ATXN1: variants seen among roughly 807,000 people sequenced by gnomAD.
The protein encoded by ATXN1 is ataxin-1.
Under a neutral mutation model 56.4 loss-of-function variants are expected in ATXN1, and 8 were observed. That is an observed-to-expected ratio of 0.14 (90% CI 0.08 to 0.26). The LOEUF (loss-of-function observed/expected upper bound fraction) is 0.26. Ranked by LOEUF, ATXN1 falls within the 10% of genes least tolerant of loss-of-function variation. ATXN1 has a pLI of 1.00. For missense variants in ATXN1, 987 were observed against 1,106.5 expected (o/e 0.89, Z 1.53); for synonymous variants, 514 against 494.6 (o/e 1.04, Z -0.52).
intron 3 of ATXN1, among the ~76,000 whole-genome samples, chr6:16,614,389 T>C (rs748122817): frequency 2.0e-5 from 3 of 151,926 alleles, no homozygotes; most frequent in African/African-American, 4.8e-5. Flanking sequence ...TACTTCAGCA[T>C]GATCTCAGTT....
intron 6 of ATXN1, among the ~76,000 whole-genome samples, chr6:16,363,316 T>C (rs906241384): frequency 6.6e-5 from 10 of 152,234 alleles, no homozygotes; most frequent in African/African-American, 2.2e-4. Flanking sequence ...TAAGTATGTG[T>C]TACATAAATT....
intron 4 of ATXN1, among the ~76,000 whole-genome samples, chr6:16,547,019 A>G (rs1024136303): frequency 1.2e-4 from 19 of 152,256 alleles, no homozygotes; most frequent in Admixed American, 1.2e-3. Context: ...CATCTTTCAG[A>G]GAAAGAACAG....
chr6:16,611,529 A>C (rs1012014310), intron 3 of ATXN1, among the ~76,000 whole-genome samples: 1 of 152,234 alleles, frequency 6.6e-6, no homozygotes, highest in Admixed American at 6.5e-5. Flanking sequence ...TCATAAATTA[A>C]GAATGCCCTT....
chr6:16,351,514 C>T (rs1761566956), intron 6 of ATXN1, among the ~76,000 whole-genome samples: 1 of 152,042 alleles, frequency 6.6e-6, no homozygotes, highest in Non-Finnish European at 1.5e-5. Flanking sequence ...GCCATCCACC[C>T]ACCTCTGCCT....
At chr6:16,643,215 T>C (rs1763738546) in intron 3 of ATXN1, among the ~76,000 whole-genome samples, 1 of 148,976 alleles carries the variant, frequency 6.7e-6, no homozygotes, top group South Asian at 2.1e-4. Context: ...ATCGTGCCAC[T>C]GCACTCCAGC....
chr6:16,449,738 G>GA (rs1759715126), intron 6 of ATXN1, among the ~76,000 whole-genome samples: 1 of 152,012 alleles, frequency 6.6e-6, no homozygotes, highest in South Asian at 2.1e-4. Context: ...AAGTTTAAAG[G>GA]AAAACATATC....
At chr6:16,529,245 T>C (rs1256127516) in intron 4 of ATXN1, among the ~76,000 whole-genome samples, 2 of 146,818 alleles carry the variant, frequency 1.4e-5, no homozygotes, top group Non-Finnish European at 3.0e-5. Context: ...CAAGCGAGGA[T>C]ATGAGAACAA....
At chr6:16,611,740 T>C (rs983681574) in intron 3 of ATXN1, among the ~76,000 whole-genome samples, 5 of 150,984 alleles carry the variant, frequency 3.3e-5, no homozygotes, top group African/African-American at 1.2e-4. Context: ...TGTGTCAAGA[T>C]AGTAGAGCAT....
At chr6:16,634,329 C>A (rs1763556013) in intron 3 of ATXN1, among the ~76,000 whole-genome samples, 1 of 152,116 alleles carries the variant, frequency 6.6e-6, no homozygotes. Flanking sequence ...AGCAGGTTCT[C>A]CTCTTTTCTG....
At chr6:16,526,070 C>CATACAATCT (rs1761389389) in intron 4 of ATXN1, among the ~76,000 whole-genome samples, 2 of 77,624 alleles carry the variant, frequency 2.6e-5, no homozygotes, top group African/African-American at 1.3e-4. Context: ...TATATACATA[C>CATACAATCT]ATACAATCTA....
chr6:16,538,179 T>C (rs73368723), intron 4 of ATXN1, among the ~76,000 whole-genome samples: 12,661 of 152,172 alleles, frequency 0.083, 1,144 homozygotes, highest in African/African-American at 0.22. Context: ...CCCAGGACAG[T>C]GAGAGGCTAT....
intron 5 of ATXN1, among the ~76,000 whole-genome samples, chr6:16,495,373 T>A (rs2113667596): frequency 6.6e-6 from 1 of 152,282 alleles, no homozygotes; most frequent in East Asian, 1.9e-4. Context: ...GAAGATAAAA[T>A]GAAGAGACAG....
At chr6:16,378,633 CACCGCAGCCTTG>C (rs1762192495) in intron 6 of ATXN1, among the ~76,000 whole-genome samples, 1 of 152,044 alleles carries the variant, frequency 6.6e-6, no homozygotes, top group Non-Finnish European at 1.5e-5. Flanking sequence ...AATCACGGCT[CACCGCAGCCTTG>C]ACTGCCCTGG....
intron 3 of ATXN1, among the ~76,000 whole-genome samples, chr6:16,634,493 C>T (rs1364758167): frequency 6.6e-6 from 1 of 152,128 alleles, no homozygotes; most frequent in Non-Finnish European, 1.5e-5. Flanking sequence ...AGTATAGTCA[C>T]TGTTTTGTAA....
rs568019123 is a variant in ATXN1, at chr6:16,492,931, A to T, written c.-298-6822T>A. 2.0e-5 allele frequency among the ~76,000 whole-genome samples: 3 copies of T among 152,272 alleles called. No homozygotes were observed. The South Asian group carries it at 6.2e-4, about 32-fold the overall frequency. On this transcript the variant is annotated intron_variant, in intron 5 of 7. Transcript: ENST00000436367. ...CTCCTCCTCTTTAATTTCTGATGGA[A>T]GCTGACAGCATCATCATCTTCTACT...
At chr6:16,550,155 CAAA>C (rs70999336) in intron 4 of ATXN1, among the ~76,000 whole-genome samples, 27 of 91,172 alleles carry the variant, frequency 3.0e-4, no homozygotes, top group South Asian at 2.4e-3. Flanking sequence ...AAATAAAATA[CAAA>C]AAAAAAAAAA....
At chr6:16,721,650 G>C (rs1458172416) in intron 2 of ATXN1, among the ~76,000 whole-genome samples, 2 of 152,016 alleles carry the variant, frequency 1.3e-5, no homozygotes, top group South Asian at 2.1e-4. Flanking sequence ...AAATAAATAC[G>C]TACCAGGTAT....
chr6:16,719,162 A>G (rs1314831578), intron 2 of ATXN1, among the ~76,000 whole-genome samples: 1 of 152,222 alleles, frequency 6.6e-6, no homozygotes, highest in Non-Finnish European at 1.5e-5. Context: ...TTATGATACA[A>G]GCAAAATAAG....
At chr6:16,429,425 G>GTT (rs3072201) in intron 6 of ATXN1, among the ~76,000 whole-genome samples, 9,036 of 105,908 alleles carry the variant, frequency 0.085, 648 homozygotes, top group African/African-American at 0.13. Context: ...TTTTTTGTTC[G>GTT]TTTTTTTTTT....
Sources: allele counts gnomAD v4.1 joint callset (sites outside exome capture counted in the v4.1 genomes callset), GRCh38; gene constraint gnomAD v4.1.1; transcripts MANE v1.5; gene names NCBI Gene and HGNC (gene_info 2026-07-23, HGNC 2026-07-21).